The following GRM4 variants were observed in gnomAD, a reference collection of about 807,000 sequenced individuals.
GRM4 encodes the protein metabotropic glutamate receptor 4.
In GRM4, 28 loss-of-function variants were observed where a neutral mutation model predicts 81.7. The observed-to-expected ratio is 0.34, with a 90% CI of 0.25 to 0.47. The LOEUF is 0.47. Among genes scored for constraint, GRM4 ranks in the 20% least tolerant of loss-of-function variants. GRM4 has a pLI of 1.00. For missense variants in GRM4, 948 were observed against 1,290.0 expected, an observed-to-expected ratio of 0.73 and a Z score of 4.06; for synonymous variants, 488 against 528.8, an observed-to-expected ratio of 0.92 and a Z score of 1.06.
intron 3 of GRM4, among the ~76,000 whole-genome samples, chr6:34,079,460 G>T (rs918087081): frequency 6.6e-6 from 1 of 152,174 alleles, no homozygotes; most frequent in Non-Finnish European, 1.5e-5. Flanking sequence ...CAGCTTCATC[G>T]TTGCATTCAG....
At position 34,035,719 on chromosome 6, in the gene GRM4, G is replaced by A. The variant is rs1459672180; in HGVS notation, c.2391C>T (p.Val797=). 1 of 1,591,876 alleles carries A rather than the reference G, an allele frequency of 6.3e-7. No individual in the cohort carries two copies. The highest frequency in any genetic ancestry group is 8.6e-7 in the Non-Finnish European group (1 of 1,164,166). ...AGAAGATGGGGATGAAGGCCAGCCA[G>A]ACGATGCAAGTGGTGTACATGGTGA... is the stretch of plus-strand genomic sequence containing the variant. ...IGFTMYTTCI[V]WLAFIPIFFG... Residue 797 remains valine (V), a synonymous_variant, in exon 9 of 11, where the codon GTC becomes GTT. Coordinates refer to ENST00000538487, the MANE Select transcript of GRM4 (RefSeq NM_000841.4). The surrounding 1 kb of genome is among the most constrained non-coding windows in gnomAD (Gnocchi z 6.6).
At chr6:34,028,833 A>T (rs1174628445) in intron 9 of GRM4, among the ~76,000 whole-genome samples, 1 of 152,098 alleles carries the variant, frequency 6.6e-6, no homozygotes, top group Non-Finnish European at 1.5e-5. Flanking sequence ...GCTTTGGGAT[A>T]ACACCCAGTG....
chr6:34,033,021 GC>G (rs377442578), intron 9 of GRM4, among the ~76,000 whole-genome samples: 1 of 152,300 alleles, frequency 6.6e-6, no homozygotes, highest in East Asian at 1.9e-4. Flanking sequence ...GTATGGGATG[GC>G]CTCCCTGCTG....
chr6:34,062,875 A>G (rs902074973), intron 3 of GRM4: 5 of 152,134 alleles, frequency 3.3e-5, no homozygotes, highest in African/African-American at 1.2e-4. Flanking sequence ...CTCGTGGTAC[A>G]GAGCATCTGT....
intron 3 of GRM4, among the ~76,000 whole-genome samples, chr6:34,091,049 C>A (rs1768180157): frequency 6.6e-6 from 1 of 151,896 alleles, no homozygotes; most frequent in African/African-American, 2.4e-5. Context: ...TGGCTCACCC[C>A]AGCCCAGGTG....
At chr6:34,033,309 T>A (rs3778053) in intron 9 of GRM4, among the ~76,000 whole-genome samples, 1 of 152,024 alleles carries the variant, frequency 6.6e-6, no homozygotes, top group Non-Finnish European at 1.5e-5. Flanking sequence ...CATTGGAAGA[T>A]GACCCTTGAG....
intron 7 of GRM4, 75 bp downstream of exon 7, chr6:34,040,473 A>G: frequency 6.8e-7 from 1 of 1,463,656 alleles, no homozygotes; most frequent in East Asian, 2.4e-5. Context: ...CCCACCCCAC[A>G]GAGCCTAAGG....
At chr6:34,087,391 C>T (rs1767949096) in intron 3 of GRM4, among the ~76,000 whole-genome samples, 1 of 150,702 alleles carries the variant, frequency 6.6e-6, no homozygotes, top group African/African-American at 2.4e-5. Flanking sequence ...TGCACTCCAG[C>T]CTGGGTGACA....
chr6:34,085,707 G>A (rs765851490), intron 3 of GRM4, among the ~76,000 whole-genome samples: 1 of 152,206 alleles, frequency 6.6e-6, no homozygotes, highest in Non-Finnish European at 1.5e-5. Flanking sequence ...GAGATGCAGC[G>A]GAGAACAAAA....
chr6:34,042,769 G>A lies in GRM4; in HGVS notation c.1169-2021C>T, dbSNP rs1287080657. On this transcript the variant is annotated intron_variant, in intron 6 of 10. Coordinates refer to ENST00000538487, the MANE Select transcript of GRM4 (RefSeq NM_000841.4). This position sits in a 1 kb window ranked among gnomAD's most constrained non-coding sequence, Gnocchi z 4.2. ...TCACTGTGTCCAGCCCCCTGCCTTG[G>A]ACACCCTGAAGGCAGACCCAGGGTG... Among the ~76,000 whole-genome samples the A allele has an allele frequency of 6.6e-6, 1 of 152,106 alleles. No homozygotes were observed. The highest frequency in any genetic ancestry group is 2.4e-5 in the African/African-American group (1 of 41,420).
chr6:34,075,341 C>G (rs1224755993), intron 3 of GRM4, among the ~76,000 whole-genome samples: 1 of 152,214 alleles, frequency 6.6e-6, no homozygotes, highest in African/African-American at 2.4e-5. Flanking sequence ...TTCACCTCTA[C>G]CACAGCAGGA....
chr6:34,033,718 CCTCT>C (rs200287144), intron 9 of GRM4, among the ~76,000 whole-genome samples: 2 of 148,496 alleles, frequency 1.3e-5, no homozygotes, highest in Admixed American at 1.3e-4. Flanking sequence ...TTTCTCTCTC[CCTCT>C]CTCTCTCTTT....
intron 2 of GRM4, among the ~76,000 whole-genome samples, chr6:34,119,987 C>T (rs546424063): frequency 2.0e-5 from 3 of 152,190 alleles, no homozygotes; most frequent in Non-Finnish European, 2.9e-5. Flanking sequence ...GAAGGGTGCG[C>T]AGGGAATAAT....
chr6:34,131,511 C>T (rs985624439), intron 2 of GRM4, among the ~76,000 whole-genome samples: 3 of 152,188 alleles, frequency 2.0e-5, no homozygotes, highest in African/African-American at 7.2e-5. Context: ...CGCACACGTG[C>T]TCTTCAGCCC....
chr6:34,047,802 C>G lies in GRM4; in HGVS notation c.1169-7054G>C, dbSNP rs1421743622. On this transcript the variant is annotated intron_variant, in intron 6 of 10. Transcript: ENST00000538487. This position sits in a 1 kb window ranked among gnomAD's most constrained non-coding sequence, Gnocchi z 4.5. ...AGGCCTGAGGAGGTGAAGCAGCTTA[C>G]CCAGTGGGAGTCGATTCTTGACTCC... Among the ~76,000 whole-genome samples the G allele has an allele frequency of 6.6e-6, 1 of 152,206 alleles. No homozygotes were observed. The highest frequency in any genetic ancestry group is 1.5e-5 in the Non-Finnish European group (1 of 68,042).
chr6:34,066,090 C>T (rs1035266131), intron 3 of GRM4, among the ~76,000 whole-genome samples: 1 of 152,144 alleles, frequency 6.6e-6, no homozygotes. Flanking sequence ...CAGCTGGACA[C>T]CTGATCAAGG....
At chr6:34,139,650 CCCCACG>C (rs917905088) in intron 1 of GRM4, among the ~76,000 whole-genome samples, 1 of 152,208 alleles carries the variant, frequency 6.6e-6, no homozygotes, top group African/African-American at 2.4e-5. Flanking sequence ...TCTCTATGTT[CCCCACG>C]CCCAGTCCGA....
chr6:34,052,191 C>A (rs116168672), intron 6 of GRM4, among the ~76,000 whole-genome samples: 1 of 152,346 alleles, frequency 6.6e-6, no homozygotes, highest in African/African-American at 2.4e-5. Flanking sequence ...GGGGCACACA[C>A]ACACCCCGGC....
At chr6:34,044,725 CACAG>C (rs1490392897) in intron 6 of GRM4, among the ~76,000 whole-genome samples, 6 of 128,130 alleles carry the variant, frequency 4.7e-5, no homozygotes, top group African/African-American at 7.1e-5. Flanking sequence ...CACATACACA[CACAG>C]ACATACATAC....
Sources: allele counts gnomAD v4.1 joint callset (sites outside exome capture counted in the v4.1 genomes callset), GRCh38; gene constraint gnomAD v4.1.1; non-coding constraint Gnocchi (gnomAD v3.1); transcripts MANE v1.5; gene names NCBI Gene and HGNC (gene_info 2026-07-23, HGNC 2026-07-21).